Variants in PAK5 observed in about 807,000 individuals in gnomAD.
PAK5 encodes serine/threonine-protein kinase PAK 5.
In PAK5, 16 loss-of-function variants were observed where a neutral mutation model predicts 65.9. That is an observed-to-expected ratio of 0.24 (90% confidence interval 0.16 to 0.37). The LOEUF (loss-of-function observed/expected upper bound fraction) is 0.37, where lower values mean the gene tolerates loss of function less well. Among genes scored for constraint, PAK5 ranks in the 10% least tolerant of loss-of-function variants. The pLI, the probability that PAK5 is intolerant of heterozygous loss-of-function variation, is 1.00. For missense variants in PAK5, 785 were observed against 903.9 expected (o/e 0.87, Z 1.69); for synonymous variants, 371 against 354.9 (o/e 1.05, Z -0.51).
intron 1 of PAK5, among the ~76,000 whole-genome samples, chr20:9,730,413 T>G (rs1218295987): frequency 6.6e-6 from 1 of 152,214 alleles, no homozygotes; most frequent in Non-Finnish European, 1.5e-5. Flanking sequence ...AGATAAATTT[T>G]TAAAAAGTAC....
At chr20:9,633,085 C>A (rs1399436644) in intron 3 of PAK5, among the ~76,000 whole-genome samples, 2 of 152,136 alleles carry the variant, frequency 1.3e-5, no homozygotes, top group African/African-American at 4.8e-5. Flanking sequence ...CACAACAAAC[C>A]ACCCACACTC....
chr20:9,574,688 A>T (rs1356329300), intron 4 of PAK5, among the ~76,000 whole-genome samples: 7 of 152,232 alleles, frequency 4.6e-5, no homozygotes. Context: ...GTCCATTCAT[A>T]TGCAAAGGAC....
chr20:9,714,349 T>G lies in PAK5; in HGVS notation c.-161-2914A>C, dbSNP rs147272266. 7.0e-4 allele frequency among the ~76,000 whole-genome samples: 106 copies of G among 152,256 alleles called. 2 individuals are homozygous for G. The East Asian group carries it at 0.019, about 27-fold the overall frequency. ...TGGATGAGATAAGAAATAACAGCTT[T>G]TATTTCATTATATGCACCAGTTATC... On this transcript the variant is annotated intron_variant, in intron 1 of 9. Transcript: ENST00000353224.
chr20:9,587,602 G>A (rs1448997150), intron 3 of PAK5, among the ~76,000 whole-genome samples: 3 of 152,140 alleles, frequency 2.0e-5, no homozygotes, highest in Non-Finnish European at 4.4e-5. Context: ...TTTCAGTCCA[G>A]TGCTTCTCAA....
intron 3 of PAK5, among the ~76,000 whole-genome samples, chr20:9,621,531 A>AT (rs199615311): frequency 6.6e-6 from 1 of 151,880 alleles, no homozygotes; most frequent in African/African-American, 2.4e-5. Flanking sequence ...GAAAAAAAAA[A>AT]AAAAAAATAC....
intron 1 of PAK5, among the ~76,000 whole-genome samples, chr20:9,767,332 C>G (rs913495973): frequency 3.3e-5 from 5 of 152,140 alleles, no homozygotes; most frequent in African/African-American, 9.7e-5. Context: ...TTATCCTCAT[C>G]ATTCTATTTA....
intron 2 of PAK5, among the ~76,000 whole-genome samples, chr20:9,692,273 A>G (rs1371656227): frequency 2.6e-5 from 4 of 152,240 alleles, no homozygotes; most frequent in South Asian, 2.1e-4. Flanking sequence ...GTGTGAAAGC[A>G]ATAAGAAGGT....
At chr20:9,782,364 A>G (rs2048949860) in intron 1 of PAK5, among the ~76,000 whole-genome samples, 1 of 152,298 alleles carries the variant, frequency 6.6e-6, no homozygotes, top group Non-Finnish European at 1.5e-5. Flanking sequence ...GTTCTCATTT[A>G]TGTAAGAGCT....
intron 1 of PAK5, among the ~76,000 whole-genome samples, chr20:9,766,098 C>T (rs185766447): frequency 2.6e-5 from 4 of 151,366 alleles, no homozygotes; most frequent in East Asian, 2.0e-4. Context: ...GGTGCGAGCA[C>T]GTAGTCCCAG....
chr20:9,802,098 G>A (rs1000328966), intron 1 of PAK5, among the ~76,000 whole-genome samples: 6 of 152,226 alleles, frequency 3.9e-5, no homozygotes, highest in South Asian at 4.1e-4. Flanking sequence ...TTTTTTAACC[G>A]GCTTTTGTTT....
At chr20:9,704,177 C>T (rs964651193) in intron 2 of PAK5, among the ~76,000 whole-genome samples, 1 of 152,162 alleles carries the variant, frequency 6.6e-6, no homozygotes, top group Admixed American at 6.6e-5. Context: ...GGCAGCCCTA[C>T]CAGCCTTATA....
chr20:9,581,324 TG>T (rs1431311468), intron 3 of PAK5, among the ~76,000 whole-genome samples: 1 of 152,226 alleles, frequency 6.6e-6, no homozygotes, highest in Non-Finnish European at 1.5e-5. Flanking sequence ...TATAACTGTT[TG>T]GTAATAAAAA....
At chr20:9,659,945 A>G (rs2047321894) in intron 2 of PAK5, among the ~76,000 whole-genome samples, 1 of 152,186 alleles carries the variant, frequency 6.6e-6, no homozygotes, top group African/African-American at 2.4e-5. Flanking sequence ...TCTCTATAAC[A>G]GCAAGTATGC....
At chr20:9,659,003 A>G (rs1438540952) in intron 2 of PAK5, among the ~76,000 whole-genome samples, 1 of 152,184 alleles carries the variant, frequency 6.6e-6, no homozygotes, top group East Asian at 1.9e-4. Flanking sequence ...TCCCACCAAC[A>G]GGTAAAAAGC....
At chr20:9,716,158 TA>T (rs35713086) in intron 1 of PAK5, among the ~76,000 whole-genome samples, 18,074 of 53,426 alleles carry the variant, frequency 0.34, 1,426 homozygotes, top group Non-Finnish European at 0.44. Context: ...AAAAAAAAAT[TA>T]AAAAAAAAAA....
At chr20:9,731,553 T>A (rs888884087) in intron 1 of PAK5, among the ~76,000 whole-genome samples, 6 of 152,212 alleles carry the variant, frequency 3.9e-5, no homozygotes, top group Non-Finnish European at 8.8e-5. Context: ...GGTTAAAGGA[T>A]CTTTGGAATA....
rs761147242 is a variant in PAK5, at chr20:9,539,584, T to C, written c.2038A>G (p.Met680Val). Residue 680 changes from methionine (M) to valine (V), a missense_variant, in exon 10 of 10, where the codon ATG becomes GTG. Met to Val is a conservative substitution (Grantham distance 21). Around this residue, in one of 4 missense-constraint regions of PAK5, gnomAD observed 110 missense variants for 107.4 expected, o/e 1.02. Coordinates refer to ENST00000353224, the MANE Select transcript of PAK5 (RefSeq NM_177990.4). The part of the protein sequence containing the change: ...SSVLRGFLDL[M>V]LVREPSQRAT... The stretch of plus-strand genomic sequence containing the variant: ...CTCTGAGAGGGCTCCCTCACCAACA[T>C]CAAGTCTAGGAATCCCCGGAGCACT... 4.3e-6 allele frequency: 7 copies of C among 1,613,562 alleles called. No individual in the cohort carries two copies. The highest frequency in any genetic ancestry group is 5.9e-6 in the Non-Finnish European group (7 of 1,179,952).
At chr20:9,582,498 G>A (rs945718271) in intron 3 of PAK5, among the ~76,000 whole-genome samples, 3 of 152,088 alleles carry the variant, frequency 2.0e-5, no homozygotes, top group Admixed American at 6.6e-5. Flanking sequence ...ACATATCGTC[G>A]ACACGACTTA....
chr20:9,576,323 A>G (rs1216041578), intron 4 of PAK5, among the ~76,000 whole-genome samples: 1 of 152,216 alleles, frequency 6.6e-6, no homozygotes, highest in Non-Finnish European at 1.5e-5. Context: ...TGCTTGATAA[A>G]TGATAGCTAT....
Sources: allele counts gnomAD v4.1 joint callset (sites outside exome capture counted in the v4.1 genomes callset), GRCh38; gene constraint gnomAD v4.1.1; regional missense constraint gnomAD v4.1.1; transcripts MANE v1.5; gene names NCBI Gene and HGNC (gene_info 2026-07-23, HGNC 2026-07-21).